The following OTC variants were observed in gnomAD, a reference collection of about 807,000 sequenced individuals.
The protein encoded by OTC is ornithine transcarbamylase.
OTC carries 3 observed loss-of-function variants against 30.3 expected under a neutral mutation model. The ratio of observed to expected loss-of-function variants is 0.10; its 90% CI spans 0.05 to 0.26. The LOEUF (loss-of-function observed/expected upper bound fraction) is 0.26. Ranked by LOEUF, OTC falls within the 10% of genes least tolerant of loss-of-function variation. The pLI is 1.00. For synonymous variants in OTC, 111 were observed against 99.7 expected, an observed-to-expected ratio of 1.11 and a Z score of -0.67; for missense variants, 194 against 260.3, an observed-to-expected ratio of 0.75 and a Z score of 1.75.
At chrX:38,376,719 G>T (rs1412711263) in intron 3 of OTC, among the ~76,000 whole-genome samples, 1 of 111,851 alleles carries the variant, frequency 8.9e-6, no homozygotes, top group African/African-American at 3.2e-5. Flanking sequence ...TAGATTTCAA[G>T]ACAAAAACTG....
intron 6 of OTC, among the ~76,000 whole-genome samples, chrX:38,404,170 A>C (rs1193895503): frequency 1.8e-5 from 2 of 111,291 alleles, no homozygotes; most frequent in Non-Finnish European, 3.8e-5. Flanking sequence ...CAATGTGAGG[A>C]TCACAGTGAT....
chrX:38,368,693 A>G (rs1336354853), intron 2 of OTC, among the ~76,000 whole-genome samples: 1 of 99,771 alleles, frequency 1.0e-5, no homozygotes, highest in Non-Finnish European at 2.0e-5. Flanking sequence ...AGGTTGAGAA[A>G]GTTTGACACG....
intron 6 of OTC, among the ~76,000 whole-genome samples, chrX:38,408,128 G>A (rs754030944): frequency 1.8e-4 from 20 of 112,250 alleles, no homozygotes; most frequent in African/African-American, 6.1e-4. Context: ...AACCATCCCG[G>A]ACAAATATAT....
chrX:38,371,679 A>G (rs1320188107), intron 3 of OTC, among the ~76,000 whole-genome samples: 2 of 111,966 alleles, frequency 1.8e-5, no homozygotes, highest in Non-Finnish European at 3.8e-5. Context: ...TCTGAAGCCC[A>G]CTATTCTTAC....
At chrX:38,397,970 A>G (rs1032649713) in intron 4 of OTC, among the ~76,000 whole-genome samples, 1 of 112,220 alleles carries the variant, frequency 8.9e-6, no homozygotes, top group African/African-American at 3.2e-5. Flanking sequence ...CTGTTCTAGA[A>G]AAGTGTTGCA....
intron 3 of OTC, among the ~76,000 whole-genome samples, chrX:38,371,181 A>G (rs1221713187): frequency 9.0e-6 from 1 of 111,689 alleles, no homozygotes; most frequent in Non-Finnish European, 1.9e-5. Context: ...TTCAGTTCCC[A>G]GTATTGGAGG....
At chrX:38,340,459 G>GTTTT in the OTC span, among the ~76,000 whole-genome samples, 172 of 60,396 alleles carry the variant, frequency 2.8e-3, 3 homozygotes, top group Non-Finnish European at 3.7e-3. Flanking sequence ...TTGTTTTTTT[G>GTTTT]TTTTTTTTTT....
chrX:38,415,790 G>T (rs2068567987), intron 9 of OTC, among the ~76,000 whole-genome samples: 2 of 112,181 alleles, frequency 1.8e-5, no homozygotes, highest in Non-Finnish European at 3.8e-5. Flanking sequence ...GGGAGGCAGA[G>T]GTTGCAGTGA....
chrX:38,415,910 T>C (rs898416090), intron 9 of OTC, among the ~76,000 whole-genome samples: 8 of 112,219 alleles, frequency 7.1e-5, no homozygotes, highest in African/African-American at 2.6e-4. Flanking sequence ...TCCTCAGTTA[T>C]ACTAACCAAG....
intron 2 of OTC, 96 bp downstream of exon 2, chrX:38,367,525 T>C: frequency 1.4e-6 from 1 of 734,125 alleles, no homozygotes; most frequent in Non-Finnish European, 2.1e-6. Flanking sequence ...ACATTAAAAT[T>C]CTTAAACAGT....
the OTC span, among the ~76,000 whole-genome samples, chrX:38,329,151 A>G: frequency 8.9e-6 from 1 of 112,020 alleles, no homozygotes; most frequent in Non-Finnish European, 1.9e-5. Flanking sequence ...GAAGATATTG[A>G]TGCAGCCCTA....
intron 3 of OTC, among the ~76,000 whole-genome samples, chrX:38,379,292 T>C (rs2068364730): frequency 8.9e-6 from 1 of 111,933 alleles, no homozygotes; most frequent in African/African-American, 3.3e-5. Context: ...CTGGCTTCCC[T>C]ATGGCAAGGC....
chrX:38,417,797 A>G (rs2068576817), intron 9 of OTC, among the ~76,000 whole-genome samples: 1 of 112,108 alleles, frequency 8.9e-6, no homozygotes, highest in Non-Finnish European at 1.9e-5. Flanking sequence ...AGATTCACCC[A>G]TGTTGTCACA....
intron 1 of OTC, among the ~76,000 whole-genome samples, chrX:38,366,870 G>A (rs1375574370): frequency 1.2e-4 from 13 of 111,889 alleles, no homozygotes; most frequent in Non-Finnish European, 2.4e-4. Context: ...AGAGACACAT[G>A]AGGTTATATG....
chrX:38,381,285 T>C (rs1195178475), intron 3 of OTC, 57 bp from the exon 4 acceptor site: 2 of 870,626 alleles, frequency 2.3e-6, no homozygotes, highest in Non-Finnish European at 3.3e-6. Flanking sequence ...TTTGTAATTT[T>C]GTTTTCCACT....
At chrX:38,338,251 A>G in the OTC span, among the ~76,000 whole-genome samples, 3 of 112,126 alleles carry the variant, frequency 2.7e-5, no homozygotes, top group Admixed American at 9.4e-5. Context: ...CCATTAAGCT[A>G]TTTGTTATAA....
rs770104499 is a variant in OTC, at chrX:38,367,146, G to A, written c.78-145G>A. 1.8e-4 allele frequency: 83 copies of A among 466,278 alleles called. 1 individual carries two copies. In the East Asian group the frequency reaches 3.3e-3, roughly 18 times the overall value. 38.4% of individuals were successfully genotyped at this position (466,278 alleles called of 1,213,427 possible). A position where few individuals can be genotyped will look rare whatever the true frequency, so the allele number is the denominator to read the frequency against. On this transcript the variant is annotated intron_variant, in intron 1 of 9. Transcript: ENST00000039007. ...TGAACTGAGATTGTGCCACACTCCA[G>A]CCTGGGCCACAGAGTGAGAACCTGT...
In OTC at chrX:38,352,726, C is replaced by T; in HGVS notation, c.30C>T (p.Asn10=). The change falls in exon 1 of 10, where the codon AAC becomes AAT. Residue 10 remains asparagine (N), a synonymous_variant. Transcript: ENST00000039007. ...TGTTTAATCTGAGGATCCTGTTAAA[C>T]AATGCAGCTTTTAGAAATGGTCACA... MLFNLRILL[N]NAAFRNGHNF... The T allele has an allele frequency of 8.3e-7, 1 of 1,207,780 alleles. No homozygotes were observed. Among genetic ancestry groups the T allele is most frequent in the Non-Finnish European group, 1.1e-6 (1 of 891,760 alleles).
chrX:38,340,460 T>G, the OTC span, among the ~76,000 whole-genome samples: 1 of 43,469 alleles, frequency 2.3e-5, no homozygotes, highest in African/African-American at 7.9e-5. Context: ...TGTTTTTTTG[T>G]TTTTTTTTTT....
Sources: gnomAD v4.1 joint callset for allele counts (sites outside exome capture counted in the v4.1 genomes callset) on GRCh38, gnomAD v4.1.1 for gene constraint, MANE v1.5 for transcripts, NCBI Gene and HGNC (gene_info 2026-07-23, HGNC 2026-07-21) for gene names.